JMJD1C: variants seen among roughly 807,000 people sequenced by gnomAD.
JMJD1C encodes jumonji domain containing 1C, also known as jumonji domain-containing protein 1C.
A neutral mutation model predicts 245.3 loss-of-function variants in JMJD1C; 31 were observed. The observed-to-expected ratio is 0.13, with a 90% CI of 0.09 to 0.17. The LOEUF (loss-of-function observed/expected upper bound fraction) is 0.17. JMJD1C is among the 10% of genes least tolerant of loss of function. The probability of loss-of-function intolerance (pLI) is 1.00; values close to 1 mark genes in which losing one functional copy is unlikely to be tolerated. For synonymous variants in JMJD1C, 1,057 were observed against 1,017.4 expected (o/e 1.04, Z -0.74); for missense variants, 2,691 against 3,000.2 (o/e 0.90, Z 2.41).
rs1554940074 is a variant in JMJD1C at position 63,445,891 on chromosome 10, T to TTC, written c.168+19603_168+19604insGA. Among the ~76,000 whole-genome samples, 70 of 115,164 alleles carry TTC rather than the reference T, an allele frequency of 6.1e-4. 2 individuals are homozygous for TTC. The highest frequency in any genetic ancestry group is 1.5e-3 in the African/African-American group (44 of 28,798). The allele number at this position is 115,164 out of a possible 152,430, so 75.6% of individuals were successfully genotyped here. A position where few individuals can be genotyped will look rare whatever the true frequency, so the allele number is the denominator to read the frequency against. ...TTTTTTTTTTTTTTTTTTTTTTTTT[T>TTC]CCAGACAGAGTCTCACTCTGGTTAC... On this transcript the variant is annotated intron_variant, in intron 1 of 25. Coordinates refer to ENST00000399262, the MANE Select transcript of JMJD1C (RefSeq NM_032776.3).
intron 1 of JMJD1C, among the ~76,000 whole-genome samples, chr10:63,513,774 G>T (rs55666908): frequency 2.0e-5 from 3 of 152,148 alleles, no homozygotes; most frequent in Admixed American, 2.0e-4. Flanking sequence ...TTAGCCGGGC[G>T]TGTTGGCGGG....
intron 2 of JMJD1C, among the ~76,000 whole-genome samples, chr10:63,356,624 T>C (rs931252894): frequency 1.3e-5 from 2 of 152,200 alleles, no homozygotes; most frequent in Admixed American, 1.3e-4. Flanking sequence ...CAAAATTGCA[T>C]TTCATTCACA....
At chr10:63,281,575 G>T (rs375617711) in intron 2 of JMJD1C, among the ~76,000 whole-genome samples, 4 of 137,628 alleles carry the variant, frequency 2.9e-5, no homozygotes, top group African/African-American at 1.1e-4. Flanking sequence ...GGTTCAAGCG[G>T]TTATCCTGCC....
chr10:63,338,281 T>C (rs1347694692), intron 2 of JMJD1C, among the ~76,000 whole-genome samples: 4 of 152,058 alleles, frequency 2.6e-5, no homozygotes, highest in African/African-American at 4.8e-5. Context: ...ACTACAAATG[T>C]GCACCACCAT....
intron 23 of JMJD1C, 93 bp from the exon 24 acceptor site, chr10:63,176,566 C>A (rs1842873615): frequency 1.1e-6 from 1 of 911,606 alleles, no homozygotes; most frequent in Non-Finnish European, 1.7e-6. Flanking sequence ...AATAACAAAT[C>A]TTTTCTTCTC....
intron 1 of JMJD1C, chr10:63,427,902 C>A: frequency 1.4e-6 from 1 of 739,646 alleles, no homozygotes; most frequent in Non-Finnish European, 2.5e-6. Flanking sequence ...AGGCAAGGAC[C>A]TCACCAGCAA....
intron 1 of JMJD1C, among the ~76,000 whole-genome samples, chr10:63,456,039 GTA>G (rs1341802241): frequency 6.6e-6 from 1 of 151,990 alleles, no homozygotes; most frequent in African/African-American, 2.4e-5. Flanking sequence ...ATAACTATGT[GTA>G]TATGTTTGTA....
chr10:63,360,116 T>C (rs1219442864), intron 2 of JMJD1C, among the ~76,000 whole-genome samples: 1 of 151,986 alleles, frequency 6.6e-6, no homozygotes, highest in African/African-American at 2.4e-5. Flanking sequence ...TGAAGACCAG[T>C]TTGGGAAACA....
chr10:63,496,297 A>G (rs1191024313), intron 1 of JMJD1C, among the ~76,000 whole-genome samples: 1 of 152,122 alleles, frequency 6.6e-6, no homozygotes, highest in East Asian at 1.9e-4. Context: ...TAGAAACTTA[A>G]AAAATTTAAG....
intron 1 of JMJD1C, among the ~76,000 whole-genome samples, chr10:63,510,340 A>G (rs1954839286): frequency 6.6e-6 from 1 of 152,184 alleles, no homozygotes; most frequent in Admixed American, 6.6e-5. Flanking sequence ...AAATGCATTC[A>G]ATCCAATAAA....
chr10:63,386,070 T>C (rs1947564499), intron 1 of JMJD1C, among the ~76,000 whole-genome samples: 1 of 151,700 alleles, frequency 6.6e-6, no homozygotes, highest in African/African-American at 2.4e-5. Context: ...CCCTAAAAAA[T>C]GTGAAACATA....
chr10:63,393,537 GTAT>G (rs1031131011), intron 1 of JMJD1C, among the ~76,000 whole-genome samples: 9 of 152,024 alleles, frequency 5.9e-5, no homozygotes, highest in Non-Finnish European at 7.4e-5. Flanking sequence ...TCACTACTGG[GTAT>G]TTATCCAAGG....
chr10:63,478,392 C>T lies in JMJD1C; in HGVS notation n.113+43346G>A, dbSNP rs1953726828. Among the ~76,000 whole-genome samples the T allele has an allele frequency of 2.0e-5, 3 of 152,248 alleles. No homozygotes were observed. The South Asian group carries it at 6.2e-4, about 32-fold the overall frequency. The stretch of plus-strand genomic sequence containing the variant: ...ACACTGCAAACAACCAAAAATGTCC[C>T]TCAAATGGGAAACAGGCAAACTATG... On this transcript the variant is annotated intron_variant and non_coding_transcript_variant, in intron 1 of 3. Transcript: ENST00000633035.
chr10:63,184,415 G>C (rs61853340), intron 21 of JMJD1C, among the ~76,000 whole-genome samples, 193 bp downstream of exon 21: 21,324 of 151,710 alleles, frequency 0.14, 2,188 homozygotes, highest in East Asian at 0.35. Context: ...GCTAATTTTT[G>C]TATTTTTTAG....
chr10:63,226,839 C>T (rs891727711), intron 3 of JMJD1C, among the ~76,000 whole-genome samples: 3 of 151,918 alleles, frequency 2.0e-5, no homozygotes, highest in African/African-American at 7.3e-5. Flanking sequence ...GGGTGGATCA[C>T]CTGAGGTCAT....
chr10:63,304,124 G>C (rs1937669572), intron 2 of JMJD1C, among the ~76,000 whole-genome samples: 1 of 152,174 alleles, frequency 6.6e-6, no homozygotes, highest in Admixed American at 6.5e-5. Flanking sequence ...TTCTATCAGA[G>C]TATTCTTATA....
chr10:63,516,033 AT>A (rs974943964), intron 1 of JMJD1C, among the ~76,000 whole-genome samples: 16 of 151,916 alleles, frequency 1.1e-4, no homozygotes, highest in African/African-American at 3.4e-4. Flanking sequence ...ACCTTTATCT[AT>A]TTTTTTGTAC....
chr10:63,368,524 C>T (rs888829646), intron 2 of JMJD1C, among the ~76,000 whole-genome samples: 1 of 152,070 alleles, frequency 6.6e-6, no homozygotes, highest in Admixed American at 6.6e-5. Flanking sequence ...TGATAATATC[C>T]AGCATCCAGG....
chr10:63,291,447 C>T (rs1451999013), intron 2 of JMJD1C, among the ~76,000 whole-genome samples: 2 of 150,840 alleles, frequency 1.3e-5, no homozygotes, highest in Non-Finnish European at 2.9e-5. Context: ...AACCCCGTCT[C>T]TACTAAAAAT....
Sources: gnomAD v4.1 joint callset for allele counts (sites outside exome capture counted in the v4.1 genomes callset) on GRCh38, gnomAD v4.1.1 for gene constraint, MANE v1.5 for transcripts, NCBI Gene and HGNC (gene_info 2026-07-23, HGNC 2026-07-21) for gene names.